Variants in AKAP6 observed in about 807,000 individuals in gnomAD.
The protein encoded by AKAP6 is A-kinase anchor protein 6.
Under a neutral mutation model 188.5 loss-of-function variants are expected in AKAP6, and 58 were observed. The observed-to-expected ratio is 0.31, with a 90% confidence interval of 0.25 to 0.38. AKAP6 has a LOEUF of 0.38. Ranked by LOEUF, AKAP6 falls within the 10% of genes least tolerant of loss-of-function variation. The pLI is 1.00. For missense variants in AKAP6, 2,710 were observed against 2,740.0 expected (o/e 0.99, Z 0.24); for synonymous variants, 989 against 998.6 (o/e 0.99, Z 0.18).
chr14:32,813,617 A>G (rs1329106372), intron 12 of AKAP6, among the ~76,000 whole-genome samples: 1 of 152,198 alleles, frequency 6.6e-6, no homozygotes, highest in East Asian at 1.9e-4. Context: ...GCTCTGTGCC[A>G]GAGAACTGGG....
At position 32,614,998 on chromosome 14, in the gene AKAP6, G is replaced by A. The variant is rs529928256; in HGVS notation, c.2730+14206G>A. ...ATCCTGGCCAACATGGTGAAACCCC[G>A]TCTCTACTAAAAATACAAAAATTAG... On this transcript the variant is annotated intron_variant, in intron 7 of 13. Coordinates refer to ENST00000280979, the MANE Select transcript of AKAP6 (RefSeq NM_004274.5). 1.9e-4 allele frequency among the ~76,000 whole-genome samples: 28 copies of A among 151,258 alleles called. No homozygotes were observed. In the South Asian group the frequency reaches 3.6e-3, roughly 19 times the overall value.
At chr14:32,508,143 A>G (rs1880971701) in intron 2 of AKAP6, among the ~76,000 whole-genome samples, 1 of 152,214 alleles carries the variant, frequency 6.6e-6, no homozygotes, top group South Asian at 2.1e-4. Context: ...TCCTTGATAA[A>G]CTGGAATTAG....
chr14:32,760,546 A>C (rs1009055643), intron 11 of AKAP6, among the ~76,000 whole-genome samples: 5 of 152,194 alleles, frequency 3.3e-5, no homozygotes, highest in African/African-American at 1.2e-4. Flanking sequence ...CTTTATGATT[A>C]GTGACTTGTG....
rs771704112 is a variant in AKAP6 at position 32,830,991 on chromosome 14, A to T, written c.*1186A>T. ...CAAAATCTTTCTGGTCACTATAAAG[A>T]TCTTGGAACAGCAAATGATTAAATG... On this transcript the variant is annotated 3_prime_UTR_variant, in exon 14 of 14. Transcript: ENST00000280979. 2.0e-5 allele frequency: 3 copies of T among 152,192 alleles called. No homozygotes were observed. The allele number at this position is 152,192 out of a possible 1,614,324, so 9.4% of individuals were successfully genotyped here.
rs564690906 is a variant in AKAP6 at position 32,808,110 on chromosome 14, T to C, written c.3589-13292T>C. Reference sequence around the variant, plus strand: ...ATTCCTCACCCTATCACCATCATTATTATTTGTGTTACTTTCTTGAATCTT... The same window carrying C: ...ATTCCTCACCCTATCACCATCATTACTATTTGTGTTACTTTCTTGAATCTT... On this transcript the variant is annotated intron_variant, in intron 12 of 13. Transcript: ENST00000280979. Among the ~76,000 whole-genome samples the C allele has an allele frequency of 3.3e-5, 5 of 152,372 alleles. No individual in the cohort carries two copies. The East Asian group carries it at 9.6e-4, about 29-fold the overall frequency.
rs965105811 is a variant in AKAP6, at chr14:32,490,066, G to A, written c.325-45488G>A. On this transcript the variant is annotated intron_variant, in intron 2 of 13. Coordinates refer to ENST00000280979, the MANE Select transcript of AKAP6 (RefSeq NM_004274.5). ...TCTCAAGGGTGGGGAGAGTTACAGAGAACCTTCTTAAGGGTGGGGGAGATT... is the reference window on the plus strand; with the variant it reads ...TCTCAAGGGTGGGGAGAGTTACAGAAAACCTTCTTAAGGGTGGGGGAGATT... Among the ~76,000 whole-genome samples the A allele has an allele frequency of 2.0e-5, 3 of 151,996 alleles. No homozygotes were observed. The East Asian group carries it at 5.8e-4, about 29-fold the overall frequency.
intron 2 of AKAP6, among the ~76,000 whole-genome samples, chr14:32,476,947 C>T (rs946743093): frequency 2.0e-5 from 3 of 152,100 alleles, no homozygotes; most frequent in Non-Finnish European, 4.4e-5. Context: ...TATCTTAAAG[C>T]GGGGTCTTAC....
Position 32,830,206 on chromosome 14 carries a change from A to T in AKAP6, c.*401A>T. 1 of 439,058 alleles carries T rather than the reference A, an allele frequency of 2.3e-6. No individual in the cohort carries two copies. Among genetic ancestry groups the T allele is most frequent in the Non-Finnish European group, 4.0e-6 (1 of 248,254 alleles). 27.2% of individuals were successfully genotyped at this position (439,058 alleles called of 1,614,324 possible). A position where few individuals can be genotyped will look rare whatever the true frequency, so the allele number is the denominator to read the frequency against. On this transcript the variant is annotated 3_prime_UTR_variant, in exon 14 of 14. Transcript: ENST00000280979. ...CCATTAAATTCTCCTGTCTAGAATG[A>T]CCCCCCCACCAGTACTTGACCAATT...
chr14:32,675,786 G>A (rs373867371), intron 7 of AKAP6, among the ~76,000 whole-genome samples: 3 of 152,166 alleles, frequency 2.0e-5, no homozygotes, highest in Admixed American at 1.3e-4. Context: ...CAATCATTTT[G>A]TAAGGTGACT....
chr14:32,447,766 G>C (rs562461752), intron 2 of AKAP6, among the ~76,000 whole-genome samples: 1 of 152,284 alleles, frequency 6.6e-6, no homozygotes, highest in South Asian at 2.1e-4. Flanking sequence ...TCTTGGACTA[G>C]TTGGCAACTT....
chr14:32,482,597 C>T (rs1031195559), intron 2 of AKAP6, among the ~76,000 whole-genome samples: 1 of 152,132 alleles, frequency 6.6e-6, no homozygotes, highest in African/African-American at 2.4e-5. Flanking sequence ...ACTGTCTTTT[C>T]CTGTTTTGTT....
chr14:32,676,210 A>G (rs975186640), intron 7 of AKAP6, among the ~76,000 whole-genome samples: 2 of 152,112 alleles, frequency 1.3e-5, no homozygotes, highest in African/African-American at 4.8e-5. Flanking sequence ...TGAGAGGAGT[A>G]TTGTTCTTTG....
chr14:32,623,303 A>AT (rs145331046), intron 7 of AKAP6, among the ~76,000 whole-genome samples: 2,192 of 152,278 alleles, frequency 0.014, 70 homozygotes, highest in African/African-American at 0.05. Context: ...ATTAACATGT[A>AT]TTTAGAGATC....
rs1347963817 is a variant in AKAP6 at position 32,520,113 on chromosome 14, A to G, written c.325-15441A>G. ...GAATGACTACTGGGTACATAACTAA[A>G]TGAAGGCAGAAATAAAGATGTTCTT... On this transcript the variant is annotated intron_variant, in intron 2 of 13. Coordinates refer to ENST00000280979, the MANE Select transcript of AKAP6 (RefSeq NM_004274.5). 3.3e-5 allele frequency among the ~76,000 whole-genome samples: 5 copies of G among 152,218 alleles called. No individual in the cohort carries two copies. In the East Asian group the frequency reaches 9.6e-4, roughly 29 times the overall value.
At chr14:32,437,406 C>T (rs915895819) in intron 2 of AKAP6, among the ~76,000 whole-genome samples, 3 of 152,210 alleles carry the variant, frequency 2.0e-5, no homozygotes, top group Non-Finnish European at 4.4e-5. Flanking sequence ...TCATCATGCT[C>T]TTCTCTACCA....
At chr14:32,738,299 C>A (rs2031524094) in intron 11 of AKAP6, among the ~76,000 whole-genome samples, 1 of 152,082 alleles carries the variant, frequency 6.6e-6, no homozygotes, top group African/African-American at 2.4e-5. Flanking sequence ...TAACCAAATT[C>A]ATTATTCTAA....
rs115389364 is a variant in AKAP6 at position 32,584,756 on chromosome 14, G to A, written c.2469+7514G>A. Among the ~76,000 whole-genome samples the A allele has an allele frequency of 3.4e-3, 519 of 151,788 alleles. 1 individual carries two copies. Among genetic ancestry groups the A allele is most frequent in the African/African-American group, 9.9e-3 (408 of 41,354 alleles). On this transcript the variant is annotated intron_variant, in intron 5 of 13. Transcript: ENST00000280979. ...TAATAAAACAATATGTATTTTTTTC[G>A]GTCTGTCTTCTTACATTCAGTGTAC...
rs374089991 is a variant in AKAP6, at chr14:32,576,687, T to C, written c.2347-433T>C. On this transcript the variant is annotated intron_variant, in intron 4 of 13. Coordinates refer to ENST00000280979, the MANE Select transcript of AKAP6 (RefSeq NM_004274.5). Reference sequence around the variant, plus strand: ...CAACTAAACTCCACAGGCTTCTGGGTGAAGAACAACATCTTTACAGGAATG... The same window carrying C: ...CAACTAAACTCCACAGGCTTCTGGGCGAAGAACAACATCTTTACAGGAATG... Among the ~76,000 whole-genome samples, 6 of 152,108 alleles carry C rather than the reference T, an allele frequency of 3.9e-5. No individual in the cohort carries two copies. The South Asian group carries it at 1.0e-3, about 26-fold the overall frequency.
chr14:32,566,189 A>G (rs138036047), intron 4 of AKAP6, among the ~76,000 whole-genome samples: 16 of 152,312 alleles, frequency 1.1e-4, no homozygotes, highest in African/African-American at 3.8e-4. Context: ...ATAACACGTG[A>G]TATTGTAATA....
Sources: allele counts gnomAD v4.1 joint callset (sites outside exome capture counted in the v4.1 genomes callset), GRCh38; gene constraint gnomAD v4.1.1; transcripts MANE v1.5; gene names NCBI Gene and HGNC (gene_info 2026-07-23, HGNC 2026-07-21).